Variants in ZNF469 observed in about 807,000 individuals in gnomAD.
The protein encoded by ZNF469 is zinc finger protein 469.
ZNF469 carries 1 observed loss-of-function variant against 1.0 expected under a neutral mutation model. That is an observed-to-expected ratio of 1.00 (90% CI 0.35 to 4.73). The LOEUF is 4.73. Among genes scored for constraint, ZNF469 ranks in the 30% most tolerant of loss-of-function variants. ZNF469 has a pLI of 0.16. For synonymous variants in ZNF469, 2,703 were observed against 2,363.4 expected, an observed-to-expected ratio of 1.14 and a Z score of -4.17; for missense variants, 6,100 against 5,356.3, an observed-to-expected ratio of 1.14 and a Z score of -4.33.
At chr16:88,275,405 A>G in the ZNF469 span, among the ~76,000 whole-genome samples, 8 of 152,278 alleles carry the variant, frequency 5.3e-5, no homozygotes, top group Non-Finnish European at 4.4e-5. Flanking sequence ...ATGGGTGCTG[A>G]GTTAGCTGGA....
the ZNF469 span, among the ~76,000 whole-genome samples, chr16:88,341,468 C>A: frequency 6.6e-6 from 1 of 152,284 alleles, no homozygotes; most frequent in Admixed American, 6.5e-5. Flanking sequence ...TCTGGGCCAC[C>A]CTCCAGGTTT....
chr16:88,132,843 G>A, the ZNF469 span, among the ~76,000 whole-genome samples: 16 of 152,310 alleles, frequency 1.1e-4, 1 homozygote, highest in East Asian at 1.7e-3. Flanking sequence ...GTTACAGGAG[G>A]GTGAAGCGAA....
the ZNF469 span, chr16:88,194,651 C>T: frequency 1.3e-5 from 2 of 152,264 alleles, no homozygotes; most frequent in African/African-American, 2.4e-5. Flanking sequence ...TCTCCTTCCC[C>T]GTGCTTTTGT....
intron 1 of ZNF469, among the ~76,000 whole-genome samples, chr16:88,396,661 CCTGAAGGGAGGCCGGGAGGAGACCCGT>C (rs1904677918): frequency 2.7e-4 from 37 of 139,016 alleles, no homozygotes; most frequent in Non-Finnish European, 4.5e-4. Context: ...CGGAGACCCT[CCTGAAGGGAGGCCGGGAGGAGACCCGT>C]CTGAAGGGAG....
At chr16:88,160,958 C>T in the ZNF469 span, among the ~76,000 whole-genome samples, 3 of 152,340 alleles carry the variant, frequency 2.0e-5, no homozygotes, top group Non-Finnish European at 2.9e-5. Flanking sequence ...GCCTGGCCAA[C>T]ATGGCAAAAC....
chr16:88,276,999 T>A, the ZNF469 span, among the ~76,000 whole-genome samples: 1 of 151,956 alleles, frequency 6.6e-6, no homozygotes, highest in Non-Finnish European at 1.5e-5. Context: ...CATGTAGATA[T>A]CATTAGTGCT....
At chr16:88,131,776 G>T in the ZNF469 span, among the ~76,000 whole-genome samples, 5 of 152,238 alleles carry the variant, frequency 3.3e-5, no homozygotes, top group Admixed American at 6.5e-5. Context: ...TGGGGTCAGG[G>T]ACGGGTTTGG....
chr16:88,187,966 G>A, the ZNF469 span, among the ~76,000 whole-genome samples: 1 of 151,952 alleles, frequency 6.6e-6, no homozygotes, highest in African/African-American at 2.4e-5. Context: ...GGGCTTTCCT[G>A]GGATGCATCC....
At chr16:88,309,059 C>A in the ZNF469 span, among the ~76,000 whole-genome samples, 1 of 152,178 alleles carries the variant, frequency 6.6e-6, no homozygotes, top group African/African-American at 2.4e-5. Flanking sequence ...ACCCACGTCC[C>A]GACTGGACCT....
chr16:88,117,638 GGA>G, the ZNF469 span, among the ~76,000 whole-genome samples: 34 of 59,240 alleles, frequency 5.7e-4, no homozygotes, highest in African/African-American at 2.3e-3. Context: ...ATGGACCGTG[GGA>G]AAGTGCCACG....
At chr16:88,285,228 C>G in the ZNF469 span, among the ~76,000 whole-genome samples, 1 of 152,264 alleles carries the variant, frequency 6.6e-6, no homozygotes, top group Admixed American at 6.5e-5. Context: ...GGTAGGCAGG[C>G]AGCATCAGCC....
intron 1 of ZNF469, among the ~76,000 whole-genome samples, chr16:88,402,656 C>G (rs1409488602): frequency 1.3e-5 from 2 of 152,226 alleles, no homozygotes; most frequent in Non-Finnish European, 2.9e-5. Context: ...TCCACCGTCA[C>G]CTGCTTTCTC....
the ZNF469 span, among the ~76,000 whole-genome samples, chr16:88,264,307 A>T: frequency 6.6e-6 from 1 of 151,488 alleles, no homozygotes; most frequent in African/African-American, 2.4e-5. Context: ...CCCCTCATGC[A>T]GCTCAACTCC....
At chr16:88,412,787 C>T (rs1270100825) in intron 1 of ZNF469, among the ~76,000 whole-genome samples, 2 of 152,244 alleles carry the variant, frequency 1.3e-5, no homozygotes, top group African/African-American at 4.8e-5. Context: ...ACCATGCCGA[C>T]GGCTTCGGCC....
At position 88,438,726 on chromosome 16, in the gene ZNF469, A is replaced by G; in HGVS notation, c.11256A>G (p.Pro3752=). ...TKTGGGSQPQ[P]ASGQLQSETA... ...CAGGAGGTGGCAGCCAGCCCCAGCC[A>G]GCCAGCGGGCAGCTCCAGAGCGAGA... The change falls in exon 3 of 3, where the codon CCA becomes CCG. Residue 3752 remains proline (P), a synonymous_variant. Transcript: ENST00000565624. The G allele has an allele frequency of 6.5e-7, 1 of 1,550,054 alleles. No homozygotes were observed. Among genetic ancestry groups the G allele is most frequent in the East Asian group, 2.4e-5 (1 of 40,890 alleles).
chr16:88,203,581 G>A, the ZNF469 span, among the ~76,000 whole-genome samples: 17 of 152,302 alleles, frequency 1.1e-4, no homozygotes, highest in South Asian at 6.2e-4. Context: ...CCAAAATCCA[G>A]GTGTCTCAGG....
chr16:88,391,428 G>C (rs1186752868), intron 1 of ZNF469, among the ~76,000 whole-genome samples: 1 of 152,272 alleles, frequency 6.6e-6, no homozygotes, highest in Non-Finnish European at 1.5e-5. Flanking sequence ...CCTGGGCAAA[G>C]CCCTGGGGAA....
the ZNF469 span, among the ~76,000 whole-genome samples, chr16:88,110,193 C>T: frequency 2.3e-4 from 35 of 152,340 alleles, no homozygotes; most frequent in African/African-American, 7.9e-4. Context: ...AGGCCGAGGC[C>T]GCCCCACCCC....
chr16:88,279,141 C>T, the ZNF469 span, among the ~76,000 whole-genome samples: 1,047 of 132,030 alleles, frequency 7.9e-3, 18 homozygotes, highest in African/African-American at 0.025. Context: ...TGCTGCACCA[C>T]GCCGACACTT....
Sources: allele counts gnomAD v4.1 joint callset (sites outside exome capture counted in the v4.1 genomes callset), GRCh38; gene constraint gnomAD v4.1.1; transcripts MANE v1.5; gene names NCBI Gene and HGNC (gene_info 2026-07-23, HGNC 2026-07-21).